The following MTR variants were observed in gnomAD, a reference collection of about 807,000 sequenced individuals.
MTR encodes the protein methionine synthase.
In MTR, 84 loss-of-function variants were observed where a neutral mutation model predicts 154.8. That is an observed-to-expected ratio of 0.54 (90% CI 0.45 to 0.65). The LOEUF is 0.65. MTR is among the 30% of genes least tolerant of loss of function. The pLI is 0.00. For synonymous variants in MTR, 554 were observed against 553.9 expected (o/e 1.00, Z 0.00); for missense variants, 1,275 against 1,570.2 (o/e 0.81, Z 3.18).
rs571114008 is a variant in MTR, at chr1:236,895,383, G to C, written c.3431G>C (p.Arg1144Thr). ...GCCTTTGCAGAAGAGCTCCATGAAA[G>C]AGTTCGCCGAGAACTGTGGGCCTAC... Reference protein sequence around the residue: ...AEAFAEELHERVRRELWAYCG... With the variant: ...AEAFAEELHETVRRELWAYCG... Residue 1144 changes from arginine to threonine, a missense_variant, in exon 31 of 33, where the codon AGA (arginine) becomes ACA (threonine). Coordinates refer to ENST00000366577, the MANE Select transcript of MTR (RefSeq NM_000254.3). 1.9e-6 allele frequency: 3 copies of C among 1,602,928 alleles called. No individual in the cohort carries two copies. The East Asian group carries it at 6.7e-5, about 36-fold the overall frequency.
chr1:236,850,020 T>C (rs1198934111), intron 15 of MTR, among the ~76,000 whole-genome samples: 1 of 152,164 alleles, frequency 6.6e-6, no homozygotes, highest in Non-Finnish European at 1.5e-5. Flanking sequence ...TTTCATAATA[T>C]ACCATATGTG....
intron 27 of MTR, among the ~76,000 whole-genome samples, chr1:236,887,341 T>C (rs1227902282): frequency 1.3e-5 from 2 of 152,226 alleles, no homozygotes. Flanking sequence ...ACGTGGCTCC[T>C]GACTCTGACT....
At chr1:236,850,266 A>T in intron 15 of MTR, 78 bp from the exon 16 acceptor site, 1 of 921,852 alleles carries the variant, frequency 1.1e-6, no homozygotes. Flanking sequence ...TATTAAAATA[A>T]AATAACAGGT....
At chr1:236,853,707 TCC>T (rs1664047430) in intron 18 of MTR, among the ~76,000 whole-genome samples, 1 of 152,232 alleles carries the variant, frequency 6.6e-6, no homozygotes, top group Non-Finnish European at 1.5e-5. Context: ...TCCCCACTGT[TCC>T]ATGTTTTGGT....
Position 236,795,554 on chromosome 1 carries a change from C to A in MTR, c.-150C>A, listed in dbSNP as rs1259209357. ...GGGCTTTCGGGGTCCGCAGTCCCCC[C>A]GCGACGCGAGCCAACGGGAGGCGTC... On this transcript the variant is annotated 5_prime_UTR_variant, in exon 1 of 33. Coordinates refer to ENST00000366577, the MANE Select transcript of MTR (RefSeq NM_000254.3). The A allele has an allele frequency of 3.2e-6, 5 of 1,544,380 alleles. No homozygotes were observed. The highest frequency in any genetic ancestry group is 1.9e-5 in the Admixed American group (1 of 52,196).
rs973491799 is a variant in MTR at position 236,902,933 on chromosome 1, T to C, written c.*5289T>C. 2.6e-5 allele frequency: 4 copies of C among 152,166 alleles called. No homozygotes were observed. The highest frequency in any genetic ancestry group is 4.8e-5 in the African/African-American group (2 of 41,420). 9.4% of individuals were successfully genotyped at this position (152,166 alleles called of 1,614,324 possible). On this transcript the variant is annotated 3_prime_UTR_variant, in exon 33 of 33. Coordinates refer to ENST00000366577, the MANE Select transcript of MTR (RefSeq NM_000254.3). ...TGTAGAACTGAAAGTATATTCTGAT[T>C]CGGTGTGTGTATAAGGAAATATACA...
intron 15 of MTR, among the ~76,000 whole-genome samples, chr1:236,841,455 A>G (rs887891492): frequency 7.2e-5 from 11 of 152,292 alleles, no homozygotes; most frequent in African/African-American, 2.6e-4. Context: ...CAAGTATCCA[A>G]TGTAGCCAGA....
intron 9 of MTR, 91 bp from the exon 10 acceptor site, chr1:236,825,246 TA>T: frequency 1.2e-6 from 1 of 808,360 alleles, no homozygotes; most frequent in African/African-American, 1.8e-5. Context: ...AATATAAATA[TA>T]AAATTATATA....
rs1661384307 is a variant in MTR, at chr1:236,812,897, T to A, written c.609+53T>A. On this transcript the variant is annotated intron_variant, in intron 6 of 32. Coordinates refer to ENST00000366577, the MANE Select transcript of MTR (RefSeq NM_000254.3). ...GGCTGGGGTAAGGGCTGTGGGTGAG[T>A]CCCCTAATGTAGGGAGAAGATAATA... The A allele has an allele frequency of 6.8e-6, 9 of 1,323,942 alleles. No individual in the cohort carries two copies. The South Asian group carries it at 9.4e-5, about 14-fold the overall frequency. 82.0% of individuals were successfully genotyped at this position (1,323,942 alleles called of 1,614,324 possible).
intron 25 of MTR, among the ~76,000 whole-genome samples, chr1:236,881,294 T>C (rs1418574290): frequency 6.6e-6 from 1 of 152,208 alleles, no homozygotes; most frequent in Non-Finnish European, 1.5e-5. Flanking sequence ...TTTCTGCTTC[T>C]CTGTGAACAT....
At chr1:236,815,299 CTTAT>C (rs1661524281) in intron 6 of MTR, among the ~76,000 whole-genome samples, 7 of 152,102 alleles carry the variant, frequency 4.6e-5, no homozygotes, top group Admixed American at 4.6e-4. Flanking sequence ...CTGAGTGTTA[CTTAT>C]TTATTTTTAA....
intron 6 of MTR, among the ~76,000 whole-genome samples, chr1:236,813,686 T>A (rs1184646679): frequency 6.6e-6 from 1 of 152,220 alleles, no homozygotes; most frequent in African/African-American, 2.4e-5. Context: ...ATGATTTATG[T>A]CTTCTGTCCT....
intron 15 of MTR, among the ~76,000 whole-genome samples, chr1:236,843,849 A>C (rs1375135813): frequency 6.6e-6 from 1 of 152,204 alleles, no homozygotes; most frequent in Admixed American, 6.5e-5. Context: ...GGGATGGGGT[A>C]AGGAGAAGTT....
intron 3 of MTR, among the ~76,000 whole-genome samples, chr1:236,806,697 A>T (rs563943268): frequency 5.3e-5 from 8 of 152,018 alleles, no homozygotes; most frequent in African/African-American, 1.4e-4. Context: ...GAACTTTCTC[A>T]TTTTCCAAAA....
Position 236,838,433 on chromosome 1 carries a change from C to T in MTR, c.1349C>T (p.Ser450Phe). ...DIAKVPLCIDSSNFAVIEAGL... is the reference protein window; with the variant it reads ...DIAKVPLCIDFSNFAVIEAGL... The stretch of plus-strand genomic sequence containing the variant: ...TCTCAGGTACCTTTGTGCATCGACT[C>T]CTCCAATTTTGCTGTGATTGAAGCT... Residue 450 changes from serine to phenylalanine, a missense_variant, in exon 15 of 33, where the codon TCC (serine) becomes TTC (phenylalanine). Coordinates refer to ENST00000366577, the MANE Select transcript of MTR (RefSeq NM_000254.3). 2 of 1,614,086 alleles carry T rather than the reference C, an allele frequency of 1.2e-6. No homozygotes were observed. The highest frequency in any genetic ancestry group is 1.7e-6 in the Non-Finnish European group (2 of 1,179,996).
Position 236,902,069 on chromosome 1 carries a change from G to A in MTR, c.*4425G>A, listed in dbSNP as rs1572360724. ...CTAGAGCTGGAAGAGTGGGCTCTCT[G>A]ATTCTTTACACCCCCGCCTCAATCC... On this transcript the variant is annotated 3_prime_UTR_variant, in exon 33 of 33. Coordinates refer to ENST00000366577, the MANE Select transcript of MTR (RefSeq NM_000254.3). The A allele has an allele frequency of 6.6e-6, 1 of 152,414 alleles. No homozygotes were observed. Among genetic ancestry groups the A allele is most frequent in the East Asian group, 1.9e-4 (1 of 5,170 alleles). The allele number at this position is 152,414 out of a possible 1,614,324, so 9.4% of individuals were successfully genotyped here.
intron 16 of MTR, among the ~76,000 whole-genome samples, chr1:236,852,169 G>A (rs1216532783): frequency 2.6e-5 from 4 of 152,270 alleles, no homozygotes; most frequent in African/African-American, 9.6e-5. Context: ...AGTTCATAGT[G>A]AACTAGGGAG....
At chr1:236,867,487 A>C (rs1296857251) in intron 22 of MTR, among the ~76,000 whole-genome samples, 1 of 152,216 alleles carries the variant, frequency 6.6e-6, no homozygotes, top group Non-Finnish European at 1.5e-5. Flanking sequence ...TATTGTTTTC[A>C]TGCCTGCTAA....
At chr1:236,848,805 TGAAAAA>T in intron 15 of MTR, among the ~76,000 whole-genome samples, 1 of 152,250 alleles carries the variant, frequency 6.6e-6, no homozygotes, top group East Asian at 1.9e-4. Context: ...AGAAAACAGT[TGAAAAA>T]GAATACCAAA....
Sources: allele counts gnomAD v4.1 joint callset (sites outside exome capture counted in the v4.1 genomes callset), GRCh38; gene constraint gnomAD v4.1.1; transcripts MANE v1.5; gene names NCBI Gene and HGNC (gene_info 2026-07-23, HGNC 2026-07-21).